PHF20: variants seen among roughly 807,000 people sequenced by gnomAD.
The protein encoded by PHF20 is PHD finger protein 20.
A neutral mutation model predicts 113.5 loss-of-function variants in PHF20; 23 were observed. That is an observed-to-expected ratio of 0.20 (90% CI 0.15 to 0.29). PHF20 has a LOEUF of 0.29. Ranked by LOEUF, PHF20 falls within the 10% of genes least tolerant of loss-of-function variation. PHF20 has a pLI of 1.00. For synonymous variants in PHF20, 434 were observed against 457.3 expected, an observed-to-expected ratio of 0.95 and a Z score of 0.65; for missense variants, 943 against 1,219.6, an observed-to-expected ratio of 0.77 and a Z score of 3.38.
intron 2 of PHF20, among the ~76,000 whole-genome samples, chr20:35,804,313 A>G (rs367660723): frequency 2.1e-5 from 3 of 145,658 alleles, no homozygotes; most frequent in East Asian, 2.0e-4. Flanking sequence ...TCCTCACTGC[A>G]AGCACTGCCT....
intron 2 of PHF20, among the ~76,000 whole-genome samples, chr20:35,842,143 C>T (rs895089220): frequency 3.3e-5 from 5 of 152,126 alleles, no homozygotes; most frequent in Admixed American, 1.3e-4. Context: ...GTCGGGAGTT[C>T]GAGACCAGCC....
intron 2 of PHF20, among the ~76,000 whole-genome samples, chr20:35,816,973 G>A (rs772299631): frequency 6.6e-6 from 1 of 151,256 alleles, no homozygotes; most frequent in South Asian, 2.1e-4. Flanking sequence ...TGTATTTTTA[G>A]TAGAGACATG....
chr20:35,884,450 A>G (rs1395638421), intron 9 of PHF20, among the ~76,000 whole-genome samples: 1 of 152,158 alleles, frequency 6.6e-6, no homozygotes, highest in Non-Finnish European at 1.5e-5. Flanking sequence ...TTGTGGAATG[A>G]GTGCTCAGTG....
In PHF20 at chr20:35,914,125, C is replaced by T; in HGVS notation, c.1753C>T (p.Pro585Ser). 1 of 1,614,132 alleles carries T rather than the reference C, an allele frequency of 6.2e-7. No homozygotes were observed. The part of the protein sequence containing the change: ...AVTRCGSSHK[P>S]GVHMSPQLHG... ...TACCAGGTGTGGGTCCTCACACAAG[C>T]CAGGGGTCCATATGAGCCCGCAGCT... Residue 585 changes from proline to serine, a missense_variant, in exon 12 of 18, where the codon CCA (proline) becomes TCA (serine). Pro to Ser is a moderately conservative substitution (Grantham distance 74). This residue lies in a region of PHF20 where 592 missense variants were observed against 787.2 expected (regional missense o/e 0.75). Coordinates refer to ENST00000374012, the MANE Select transcript of PHF20 (RefSeq NM_016436.5).
intron 1 of PHF20, among the ~76,000 whole-genome samples, chr20:35,779,080 G>C (rs113716464): frequency 1.1e-4 from 16 of 151,684 alleles, no homozygotes; most frequent in Non-Finnish European, 2.2e-4. Flanking sequence ...TCGTTGCCCA[G>C]GCTAGAGTAC....
intron 2 of PHF20, among the ~76,000 whole-genome samples, chr20:35,805,354 T>TTTA (rs3056929): frequency 0.14 from 17,466 of 125,056 alleles, 1,269 homozygotes; most frequent in South Asian, 0.27. Context: ...CGCCTGATTT[T>TTTA]TTATTATTAT....
chr20:35,802,351 G>GTT (rs913835934), intron 2 of PHF20, among the ~76,000 whole-genome samples: 2 of 142,210 alleles, frequency 1.4e-5, no homozygotes, highest in African/African-American at 2.6e-5. Flanking sequence ...AAGGGTTTTT[G>GTT]TTTTTTTTTT....
At chr20:35,871,882 C>G in intron 9 of PHF20, 53 bp downstream of exon 9, 1 of 1,299,138 alleles carries the variant, frequency 7.7e-7, no homozygotes, top group Non-Finnish European at 1.0e-6. Context: ...TTTGCTTATG[C>G]TTTGTGAACT....
intron 9 of PHF20, among the ~76,000 whole-genome samples, chr20:35,888,131 C>T (rs1285190169): frequency 6.6e-6 from 1 of 152,050 alleles, no homozygotes; most frequent in East Asian, 1.9e-4. Flanking sequence ...TAGGCTTGCA[C>T]CACCATGCCC....
intron 2 of PHF20, among the ~76,000 whole-genome samples, chr20:35,819,507 C>T (rs571549430): frequency 8.5e-5 from 13 of 152,218 alleles, no homozygotes; most frequent in South Asian, 4.1e-4. Context: ...GATCATAGTT[C>T]GCTTCCATTT....
chr20:35,841,000 T>C (rs2042525602), intron 2 of PHF20, among the ~76,000 whole-genome samples: 1 of 152,204 alleles, frequency 6.6e-6, no homozygotes, highest in African/African-American at 2.4e-5. Flanking sequence ...TTTATGCATA[T>C]ATAAGCATAT....
At chr20:35,914,664 A>T (rs904141936) in intron 12 of PHF20, among the ~76,000 whole-genome samples, 1 of 152,162 alleles carries the variant, frequency 6.6e-6, no homozygotes, top group Non-Finnish European at 1.5e-5. Context: ...TAGAAAAATT[A>T]TTCAATGTAA....
At chr20:35,844,193 CCTGGGTTCAAGCGAT>C (rs1220422392) in intron 3 of PHF20, among the ~76,000 whole-genome samples, 1 of 151,870 alleles carries the variant, frequency 6.6e-6, no homozygotes, top group East Asian at 1.9e-4. Flanking sequence ...ACCTCCATCT[CCTGGGTTCAAGCGAT>C]TCCCCTGCCT....
At chr20:35,887,807 T>TAAAAAAAAAAAAAAAAAAAAAAAAA (rs774278547) in intron 9 of PHF20, 1 of 105,270 alleles carries the variant, frequency 9.5e-6, no homozygotes. Context: ...AAGACTGAAT[T>TAAAAAAAAAAAAAAAAAAAAAAAAA]AAAAAAAAAA....
Position 35,947,965 on chromosome 20 carries a change from A to T in PHF20, c.*338A>T, listed in dbSNP as rs577115170. On this transcript the variant is annotated 3_prime_UTR_variant, in exon 18 of 18. Coordinates refer to ENST00000374012, the MANE Select transcript of PHF20 (RefSeq NM_016436.5). The stretch of plus-strand genomic sequence containing the variant: ...GAGAGCCAAAAAAGTTTAGTTGGAG[A>T]CAGTTGTAAATTCAATTTGGAGTTT... 2 of 211,122 alleles carry T rather than the reference A, an allele frequency of 9.5e-6. No homozygotes were observed. The highest frequency in any genetic ancestry group is 2.4e-4 in the South Asian group (2 of 8,164). The allele number at this position is 211,122 out of a possible 1,614,324, so 13.1% of individuals were successfully genotyped here.
At chr20:35,815,677 G>C (rs2042060372) in intron 2 of PHF20, among the ~76,000 whole-genome samples, 1 of 151,918 alleles carries the variant, frequency 6.6e-6, no homozygotes, top group Non-Finnish European at 1.5e-5. Flanking sequence ...GTGTTAGCCA[G>C]GATGGTCTCG....
At chr20:35,885,246 C>T (rs2054705382) in intron 9 of PHF20, among the ~76,000 whole-genome samples, 1 of 152,084 alleles carries the variant, frequency 6.6e-6, no homozygotes, top group Admixed American at 6.6e-5. Flanking sequence ...CTCTTTCATT[C>T]CCACAATATA....
At chr20:35,884,438 C>T (rs1690175331) in intron 9 of PHF20, among the ~76,000 whole-genome samples, 1 of 152,122 alleles carries the variant, frequency 6.6e-6, no homozygotes, top group Admixed American at 6.6e-5. Flanking sequence ...AGCTCTGCCA[C>T]CTTGTGGAAT....
At chr20:35,927,429 G>A (rs1002927674) in intron 13 of PHF20, among the ~76,000 whole-genome samples, 1 of 152,174 alleles carries the variant, frequency 6.6e-6, no homozygotes, top group Non-Finnish European at 1.5e-5. Flanking sequence ...TTTTGCAGAT[G>A]GGGAAAATAA....
Sources: gnomAD v4.1 joint callset for allele counts (sites outside exome capture counted in the v4.1 genomes callset) on GRCh38, gnomAD v4.1.1 for gene constraint, gnomAD v4.1.1 regional missense constraint, MANE v1.5 for transcripts, NCBI Gene and HGNC (gene_info 2026-07-23, HGNC 2026-07-21) for gene names.